MMADHC: variants seen among roughly 807,000 people sequenced by gnomAD.
MMADHC encodes cobalamin trafficking protein CblD.
A neutral mutation model predicts 36.3 loss-of-function variants in MMADHC; 23 were observed. The observed-to-expected ratio is 0.63, with a 90% confidence interval of 0.46 to 0.90. The LOEUF (loss-of-function observed/expected upper bound fraction) is 0.90, where lower values mean the gene tolerates loss of function less well. Ranked by LOEUF, MMADHC falls within the 40% of genes least tolerant of loss-of-function variation. The pLI is 0.00. For synonymous variants in MMADHC, 97 were observed against 116.1 expected, an observed-to-expected ratio of 0.84 and a Z score of 1.06; for missense variants, 330 against 348.0, an observed-to-expected ratio of 0.95 and a Z score of 0.41.
At chr2:149,583,986 C>A (rs998724935) in intron 2 of MMADHC, among the ~76,000 whole-genome samples, 1 of 152,132 alleles carries the variant, frequency 6.6e-6, no homozygotes, top group African/African-American at 2.4e-5. Context: ...AATATAACCT[C>A]CTTTGTGATA....
In MMADHC at chr2:149,575,750, A is replaced by T; in HGVS notation, c.570T>A (p.Ser190Arg). The T allele has an allele frequency of 6.2e-7, 1 of 1,605,572 alleles. No homozygotes were observed. The change falls in exon 6 of 8, where the codon AGT becomes AGA. Residue 190 changes from serine (S) to arginine (R), a missense_variant. By Grantham distance (110) the Ser-to-Arg change is moderately radical. Coordinates refer to ENST00000303319, the MANE Select transcript of MMADHC (RefSeq NM_015702.3). ...QKTKNDMTVW[S>R]EEVEIEREVL... ...CTTCTCTTTCAATTTCTACTTCTTC[A>T]CTCCAAACAGTCATATCATTCTTAG... is the stretch of plus-strand genomic sequence containing the variant.
chr2:149,578,341 G>A (rs1243925743), intron 4 of MMADHC, among the ~76,000 whole-genome samples: 1 of 152,112 alleles, frequency 6.6e-6, no homozygotes, highest in Non-Finnish European at 1.5e-5. Context: ...TACGAGAGAG[G>A]GGAGGATGGT....
chr2:149,570,039 C>A lies in MMADHC; in HGVS notation c.826G>T (p.Val276Leu). 1 of 1,613,784 alleles carries A rather than the reference C, an allele frequency of 6.2e-7. No homozygotes were observed. Among genetic ancestry groups the A allele is most frequent in the South Asian group, 1.1e-5 (1 of 91,068 alleles). ...RHSLWGTHVV[V>L]GSIFTNATPD... ...GTTGCATTAGTGAAGATACTCCCTACAACTACATGGGTACCCCAGAGACTA... is the reference window on the plus strand; with the variant it reads ...GTTGCATTAGTGAAGATACTCCCTAAAACTACATGGGTACCCCAGAGACTA... The change falls in exon 8 of 8, where the codon GTA (valine) becomes TTA (leucine). Residue 276 changes from valine to leucine, a missense_variant. Transcript: ENST00000303319.
Position 149,587,069 on chromosome 2 carries a change from T to G in MMADHC, c.9+20A>C. The G allele has an allele frequency of 6.2e-7, 1 of 1,613,046 alleles. No homozygotes were observed. Among genetic ancestry groups the G allele is most frequent in the Non-Finnish European group, 8.5e-7 (1 of 1,178,996 alleles). Reference sequence around the variant, plus strand: ...CCAAACGAGTTTACTATGCTGATTCTTAAGAGATAATTTACTCACATTGGC... The same window carrying G: ...CCAAACGAGTTTACTATGCTGATTCGTAAGAGATAATTTACTCACATTGGC... On this transcript the variant is annotated intron_variant, in intron 2 of 7. Coordinates refer to ENST00000303319, the MANE Select transcript of MMADHC (RefSeq NM_015702.3).
intron 2 of MMADHC, among the ~76,000 whole-genome samples, chr2:149,584,732 A>C (rs2105051617): frequency 6.6e-6 from 1 of 152,282 alleles, no homozygotes; most frequent in Non-Finnish European, 1.5e-5. Flanking sequence ...TCTGTTTCAA[A>C]CCTTACCCGT....
intron 6 of MMADHC, among the ~76,000 whole-genome samples, chr2:149,574,246 G>A (rs1035248342): frequency 6.6e-6 from 1 of 151,988 alleles, no homozygotes; most frequent in Non-Finnish European, 1.5e-5. Flanking sequence ...TGATAGTGAT[G>A]AGTATATATT....
At chr2:149,576,304 C>T (rs1682715366) in intron 5 of MMADHC, 133 bp downstream of exon 5, 7 of 701,610 alleles carry the variant, frequency 1.0e-5, no homozygotes, top group East Asian at 2.8e-5. Flanking sequence ...TTATCTTGGC[C>T]ATGCAATCAT....
rs1169012711 is a variant in MMADHC at position 149,571,108 on chromosome 2, T to TAA, written c.671_672dup (p.Ile225LeufsTer29). 1 of 1,612,642 alleles carries TAA rather than the reference T, an allele frequency of 6.2e-7. No homozygotes were observed. Among genetic ancestry groups the TAA allele is most frequent in the East Asian group, 2.2e-5 (1 of 44,754 alleles). On this transcript the variant is annotated frameshift_variant, in exon 7 of 8. Coordinates refer to ENST00000303319, the MANE Select transcript of MMADHC (RefSeq NM_015702.3). LOFTEE classifies it high-confidence loss of function. ...ACTGCCAAACCAGATGATGGGTCAA[T>TAA]AAAGTCAGCCCAATAACCCTCAGCT...
At chr2:149,575,989 T>A in intron 5 of MMADHC, 148 bp from the exon 6 acceptor site, 1 of 669,564 alleles carries the variant, frequency 1.5e-6, no homozygotes, top group East Asian at 2.8e-5. Context: ...TGTATGTTAT[T>A]TTTGAAAAGG....
intron 7 of MMADHC, 128 bp downstream of exon 7, chr2:149,570,957 A>G (rs1273411040): frequency 3.2e-5 from 23 of 726,310 alleles, no homozygotes; most frequent in Non-Finnish European, 5.0e-5. Context: ...GACTCACAGT[A>G]GTATTTCTTT....
chr2:149,569,651 G>GTGAT lies in MMADHC; in HGVS notation c.*319_*322dup, dbSNP rs1330296847. 5.3e-6 allele frequency: 1 copy of GTGAT among 188,906 alleles called. No homozygotes were observed. The highest frequency in any genetic ancestry group is 1.1e-5 in the Non-Finnish European group (1 of 90,994). 11.7% of individuals were successfully genotyped at this position (188,906 alleles called of 1,614,324 possible). ...AACACACATTATTGTAACCAAATGT[G>GTGAT]TGATTTATTTTGGGAAGAAAATAAT... is the stretch of plus-strand genomic sequence containing the variant. On this transcript the variant is annotated 3_prime_UTR_variant, in exon 8 of 8. Coordinates refer to ENST00000303319, the MANE Select transcript of MMADHC (RefSeq NM_015702.3).
chr2:149,575,295 T>C (rs928381095), intron 6 of MMADHC, among the ~76,000 whole-genome samples: 2 of 152,040 alleles, frequency 1.3e-5, no homozygotes, highest in Non-Finnish European at 2.9e-5. Context: ...TGTTTACTCT[T>C]GGAGAGAACT....
rs1406754143 is a variant in MMADHC at position 149,569,880 on chromosome 2, AATAAAT to A, written c.*88_*93del. On this transcript the variant is annotated 3_prime_UTR_variant, in exon 8 of 8. Transcript: ENST00000303319. ...ATAAATGCTGAAATAAATACTTAGA[AATAAAT>A]ATATTTTAAAAACTTTAGTCTGACA... 9.3e-7 allele frequency: 1 copy of A among 1,080,146 alleles called. No individual in the cohort carries two copies. The highest frequency in any genetic ancestry group is 2.3e-5 in the Admixed American group (1 of 44,294). The allele number at this position is 1,080,146 out of a possible 1,614,324, so 66.9% of individuals were successfully genotyped here. A position where few individuals can be genotyped will look rare whatever the true frequency, so the allele number is the denominator to read the frequency against.
rs2105045470 is a variant in MMADHC at position 149,575,710 on chromosome 2, C to A, written c.609+1G>T. ...AAATTATTAGCAATTGAAAGAATTA[C>A]CTTTTCTAAGAGCACTTCTCTTTCA... On this transcript the variant is annotated splice_donor_variant, in intron 6 of 7. Transcript: ENST00000303319. LOFTEE classifies it high-confidence loss of function. 1 of 1,592,288 alleles carries A rather than the reference C, an allele frequency of 6.3e-7. No homozygotes were observed. Among genetic ancestry groups the A allele is most frequent in the Non-Finnish European group, 8.6e-7 (1 of 1,168,652 alleles).
chr2:149,573,244 TCAAA>T (rs35931030), intron 6 of MMADHC, among the ~76,000 whole-genome samples: 2,745 of 152,082 alleles, frequency 0.018, 65 homozygotes, highest in African/African-American at 0.053. Context: ...AGACTAGTTT[TCAAA>T]CAAACAAACA....
intron 2 of MMADHC, 130 bp from the exon 3 acceptor site, chr2:149,582,401 C>CCTA (rs1682808117): frequency 1.3e-6 from 1 of 788,592 alleles, no homozygotes; most frequent in South Asian, 1.6e-5. Context: ...TTACTGAACA[C>CCTA]CTACTATATG....
At chr2:149,585,017 G>A (rs1488442030) in intron 2 of MMADHC, among the ~76,000 whole-genome samples, 3 of 150,058 alleles carry the variant, frequency 2.0e-5, no homozygotes, top group African/African-American at 7.4e-5. Context: ...ACTCCGGCCT[G>A]GGAAACAAGA....
Position 149,579,560 on chromosome 2 carries a change from A to T in MMADHC, c.243T>A (p.Asp81Glu), listed in dbSNP as rs1302637256. 1 of 1,613,908 alleles carries T rather than the reference A, an allele frequency of 6.2e-7. No individual in the cohort carries two copies. Among genetic ancestry groups the T allele is most frequent in the Non-Finnish European group, 8.5e-7 (1 of 1,179,998 alleles). ...GTGAAGCAGTCCCATTGAGGTGACA[A>T]TCAAAACCTATGTTCCCAGGAAGCT... ...RFQLPGNIGFDCHLNGTASQK... is the reference protein window; with the variant it reads ...RFQLPGNIGFECHLNGTASQK... The change falls in exon 4 of 8, where the codon GAT becomes GAA. Residue 81 changes from aspartate to glutamate, a missense_variant. Transcript: ENST00000303319.
In MMADHC at chr2:149,587,094, C is replaced by T. The variant is rs753911939; in HGVS notation, c.4G>A (p.Ala2Thr). The T allele has an allele frequency of 1.5e-5, 24 of 1,613,748 alleles. No individual in the cohort carries two copies. The East Asian group carries it at 5.3e-4, about 36-fold the overall frequency. MANVLCNRARLV... is the reference protein window; with the variant it reads MTNVLCNRARLV... ...TTAAGAGATAATTTACTCACATTGG[C>T]CATCTCCGCTGGAGAAGATAGTTCG... The change falls in exon 2 of 8, where the codon GCC (alanine) becomes ACC (threonine). Residue 2 changes from alanine (A) to threonine (T), a missense_variant. Ala to Thr is a moderately conservative substitution (Grantham distance 58). Coordinates refer to ENST00000303319, the MANE Select transcript of MMADHC (RefSeq NM_015702.3).
Sources: allele counts gnomAD v4.1 joint callset (sites outside exome capture counted in the v4.1 genomes callset), GRCh38; gene constraint gnomAD v4.1.1; transcripts MANE v1.5; gene names NCBI Gene and HGNC (gene_info 2026-07-23, HGNC 2026-07-21).